Variants in ZNF273 observed in about 807,000 individuals in gnomAD.
ZNF273 encodes zinc finger protein 9.
In ZNF273, 11 loss-of-function variants were observed where a neutral mutation model predicts 14.9. The ratio of observed to expected loss-of-function variants is 0.74; its 90% confidence interval spans 0.46 to 1.22. ZNF273 has a LOEUF of 1.22. Among genes scored for constraint, ZNF273 ranks in the 50% most tolerant of loss-of-function variants. The pLI, the probability that ZNF273 is intolerant of heterozygous loss-of-function variation, is 0.00. For synonymous variants in ZNF273, 199 were observed against 223.9 expected (o/e 0.89, Z 0.99); for missense variants, 577 against 660.6 (o/e 0.87, Z 1.39).
At chr7:64,894,701 A>G (rs2129047179), downstream of ZNF273, among the ~76,000 whole-genome samples, 1 of 150,192 alleles carries the variant, frequency 6.7e-6, no homozygotes, top group South Asian at 2.1e-4. Flanking sequence ...ACTCAAATAA[A>G]ATACCAACTA....
Position 64,928,574 on chromosome 7 carries a change from A to T in ZNF273, c.1246A>T (p.Thr416Ser). 1 of 1,613,640 alleles carries T rather than the reference A, an allele frequency of 6.2e-7. No homozygotes were observed. The change falls in exon 4 of 4, where the codon ACT (threonine) becomes TCT (serine). Residue 416 changes from threonine (T) to serine (S), a missense_variant. Physicochemically the swap from Thr to Ser is moderately conservative, Grantham distance 58. This residue lies in a region of ZNF273 where 411 missense variants were observed against 440.4 expected (regional missense o/e 0.93). Coordinates refer to ENST00000476120, the MANE Select transcript of ZNF273 (RefSeq NM_021148.3). ...TGGTAAAGCCTTTAAACGGTCCACA[A>T]CTCTTACTAAACATAAGAGAATTTA... ...ECGKAFKRST[T>S]LTKHKRIYTK...
At chr7:64,915,607 C>G (rs1793918933) in intron 1 of ZNF273, among the ~76,000 whole-genome samples, 1 of 152,214 alleles carries the variant, frequency 6.6e-6, no homozygotes, top group Admixed American at 6.5e-5. Context: ...GTTTTCCGCC[C>G]TGGGTGGGCC....
In ZNF273 at chr7:64,903,298, G is replaced by A; in HGVS notation, c.-20G>A. 4.4e-6 allele frequency: 7 copies of A among 1,591,786 alleles called. No homozygotes were observed. Among genetic ancestry groups the A allele is most frequent in the Non-Finnish European group, 6.0e-6 (7 of 1,161,566 alleles). On this transcript the variant is annotated 5_prime_UTR_variant, in exon 1 of 4. Coordinates refer to ENST00000476120, the MANE Select transcript of ZNF273 (RefSeq NM_021148.3). ...GTCTCTCGCTGCAGTCGCAGCTCCA[G>A]GTCTCGTCTTCACTGCTCTATGTCC...
At position 64,930,963 on chromosome 7, in the gene ZNF273, T is replaced by TA; in HGVS notation, c.*1926dup. 1 of 152,166 alleles carries TA rather than the reference T, an allele frequency of 6.6e-6. No individual in the cohort carries two copies. 9.4% of individuals were successfully genotyped at this position (152,166 alleles called of 1,614,324 possible). A position where few individuals can be genotyped will look rare whatever the true frequency, so the allele number is the denominator to read the frequency against. Reference sequence around the variant, plus strand: ...ATTACAAAAGTATGAATAAAATACATACATTTCTGAGTCCTGAATATTTTT... The same window carrying TA: ...ATTACAAAAGTATGAATAAAATACATAACATTTCTGAGTCCTGAATATTTTT... On this transcript the variant is annotated 3_prime_UTR_variant, in exon 4 of 4. Coordinates refer to ENST00000476120, the MANE Select transcript of ZNF273 (RefSeq NM_021148.3).
intron 3 of ZNF273, chr7:64,923,810 T>G (rs1794639279): frequency 1.3e-5 from 2 of 152,860 alleles, no homozygotes; most frequent in Admixed American, 1.3e-4. Context: ...CATTCTATTT[T>G]ACTAGTCTCC....
rs777554079 is a variant in ZNF273 at position 64,903,378 on chromosome 7, T to G, written c.61T>G (p.Ser21Ala). Residue 21 changes from serine (S) to alanine (A), a missense_variant, in exon 1 of 4, where the codon TCC (serine) becomes GCC (alanine). Transcript: ENST00000476120. ...VAPLPAGIGR[S>A]TAKTPGLPGS... is the part of the protein sequence containing the mutation. The stretch of plus-strand genomic sequence containing the variant: ...CCCGTTACCTGCAGGTATTGGGAGA[T>G]CCACAGCTAAGACGCCAGGACTCCC... The G allele has an allele frequency of 6.2e-7, 1 of 1,613,496 alleles. No individual in the cohort carries two copies. Among genetic ancestry groups the G allele is most frequent in the Non-Finnish European group, 8.5e-7 (1 of 1,179,584 alleles).
In ZNF273 at chr7:64,914,347, A is replaced by AT. The variant is rs1444417326; in HGVS notation, c.103-3231dup. 2.1e-4 allele frequency among the ~76,000 whole-genome samples: 27 copies of AT among 128,042 alleles called. No homozygotes were observed. In the South Asian group the frequency reaches 4.0e-3, roughly 19 times the overall value. 84.0% of individuals were successfully genotyped at this position (128,042 alleles called of 152,430 possible). On this transcript the variant is annotated intron_variant, in intron 1 of 3. Transcript: ENST00000476120. ...CCACCACACCTGGACTGTTTCTGCT[A>AT]TTTAAAAAAAAAAAACACTATTATT...
chr7:64,928,500 G>C lies in ZNF273; in HGVS notation c.1172G>C (p.Arg391Thr). 6.2e-7 allele frequency: 1 copy of C among 1,603,588 alleles called. No homozygotes were observed. The highest frequency in any genetic ancestry group is 8.5e-7 in the Non-Finnish European group (1 of 1,176,588). Residue 391 changes from arginine (R) to threonine (T), a missense_variant, in exon 4 of 4, where the codon AGA (arginine) becomes ACA (threonine). By Grantham distance (71) the Arg-to-Thr change is moderately conservative. Around this residue, in one of 3 missense-constraint regions of ZNF273, gnomAD observed 411 missense variants for 440.4 expected, o/e 0.93. Coordinates refer to ENST00000476120, the MANE Select transcript of ZNF273 (RefSeq NM_021148.3). Reference protein sequence around the residue: ...KAFNQSSTLTRHKIVHTGEKP... With the variant: ...KAFNQSSTLTTHKIVHTGEKP... ...TTTAACCAGTCCTCAACCCTTACTA[G>C]ACATAAGATAGTTCATACTGGAGAG... is the stretch of plus-strand genomic sequence containing the variant.
At chr7:64,899,970 G>A (rs536580290), upstream of ZNF273, among the ~76,000 whole-genome samples, 1 of 152,106 alleles carries the variant, frequency 6.6e-6, no homozygotes, top group South Asian at 2.1e-4. Flanking sequence ...ATGTTGGTCA[G>A]GCTGGTCTCG....
chr7:64,907,285 C>A (rs1793183106), intron 1 of ZNF273, among the ~76,000 whole-genome samples: 1 of 152,120 alleles, frequency 6.6e-6, no homozygotes, highest in Admixed American at 6.6e-5. Context: ...ATCAACTGTT[C>A]CTGGAGAGCA....
At chr7:64,918,088 G>T in intron 2 of ZNF273, 109 bp from the exon 3 acceptor site, 1 of 978,776 alleles carries the variant, frequency 1.0e-6, no homozygotes, top group Non-Finnish European at 1.4e-6. Flanking sequence ...TAGATATTTT[G>T]GGATTAATTT....
chr7:64,881,873 G>A (rs1326678049), downstream of ZNF273, among the ~76,000 whole-genome samples: 2 of 152,148 alleles, frequency 1.3e-5, no homozygotes, highest in Non-Finnish European at 2.9e-5. Flanking sequence ...CTTTCACGGG[G>A]GATCCACAGT....
intron 1 of ZNF273, among the ~76,000 whole-genome samples, chr7:64,887,902 T>C (rs1292416333): frequency 1.3e-5 from 2 of 151,984 alleles, no homozygotes; most frequent in East Asian, 1.9e-4. Flanking sequence ...GGTGGGTCAC[T>C]GGTTCCTCAC....
downstream of ZNF273, among the ~76,000 whole-genome samples, chr7:64,891,415 C>G (rs1282210391): frequency 6.6e-6 from 1 of 152,206 alleles, no homozygotes; most frequent in Non-Finnish European, 1.5e-5. Context: ...CAGACAGGCA[C>G]AGCACAGCCA....
chr7:64,896,485 C>T (rs1287279719), intron 3 of ZNF273, among the ~76,000 whole-genome samples: 2 of 151,942 alleles, frequency 1.3e-5, no homozygotes, highest in Non-Finnish European at 2.9e-5. Context: ...TAATAAAATT[C>T]TTATTTTGGC....
At chr7:64,922,162 AGATAG>A in intron 3 of ZNF273, among the ~76,000 whole-genome samples, 1 of 145,880 alleles carries the variant, frequency 6.9e-6, no homozygotes, top group South Asian at 2.2e-4. Context: ...TTTATTTTCG[AGATAG>A]GATCTCATTC....
intron 1 of ZNF273, chr7:64,878,376 C>A (rs79669639): frequency 2.0e-5 from 3 of 152,264 alleles, no homozygotes; most frequent in Non-Finnish European, 2.9e-5. Flanking sequence ...GAGTCCTGTC[C>A]GCAGGGCCTA....
downstream of ZNF273, among the ~76,000 whole-genome samples, chr7:64,883,419 C>G (rs1029602827): frequency 6.6e-6 from 1 of 152,124 alleles, no homozygotes; most frequent in African/African-American, 2.4e-5. Flanking sequence ...ACTCCTCCAT[C>G]GTCTCGGGAT....
In ZNF273 at chr7:64,914,422, C is replaced by T. The variant is rs1197352650; in HGVS notation, c.103-3159C>T. 2.0e-5 allele frequency among the ~76,000 whole-genome samples: 3 copies of T among 151,340 alleles called. No homozygotes were observed. The East Asian group carries it at 5.8e-4, about 29-fold the overall frequency. ...TACCTTGCCATTAAAAAAAAATTGG[C>T]AACAGCCACAGTTATTTTCACACCA... On this transcript the variant is annotated intron_variant, in intron 1 of 3. Coordinates refer to ENST00000476120, the MANE Select transcript of ZNF273 (RefSeq NM_021148.3).
Sources: gnomAD v4.1 joint callset for allele counts (sites outside exome capture counted in the v4.1 genomes callset) on GRCh38, gnomAD v4.1.1 for gene constraint, gnomAD v4.1.1 regional missense constraint, MANE v1.5 for transcripts, NCBI Gene and HGNC (gene_info 2026-07-23, HGNC 2026-07-21) for gene names.